CCSER1: variants seen among roughly 807,000 people sequenced by gnomAD.
The protein encoded by CCSER1 is coiled-coil serine rich protein 1, also known as serine-rich coiled-coil domain-containing protein 1.
CCSER1 carries 41 observed loss-of-function variants against 82.0 expected under a neutral mutation model. That is an observed-to-expected ratio of 0.50 (90% CI 0.39 to 0.65). The LOEUF (loss-of-function observed/expected upper bound fraction) is 0.65. CCSER1 is among the 30% of genes least tolerant of loss of function. CCSER1 has a pLI of 0.00. For synonymous variants in CCSER1, 414 were observed against 383.9 expected (o/e 1.08, Z -0.92); for missense variants, 1,119 against 1,064.2 (o/e 1.05, Z -0.72).
chr4:91,334,952 G>T (rs559148594), intron 10 of CCSER1, among the ~76,000 whole-genome samples: 1 of 152,048 alleles, frequency 6.6e-6, no homozygotes, highest in Non-Finnish European at 1.5e-5. Flanking sequence ...GTGTTTGTGT[G>T]TTGAATTCTG....
chr4:90,553,172 C>A (rs1777731521), intron 5 of CCSER1, among the ~76,000 whole-genome samples: 1 of 152,078 alleles, frequency 6.6e-6, no homozygotes, highest in Admixed American at 6.6e-5. Context: ...GGGGTTTCAC[C>A]CTGTTGGCCA....
chr4:90,426,406 C>T (rs968096890), intron 4 of CCSER1, among the ~76,000 whole-genome samples: 4 of 151,738 alleles, frequency 2.6e-5, no homozygotes, highest in South Asian at 2.1e-4. Flanking sequence ...TTCTGTGGGC[C>T]GCATTAGGTG....
At chr4:91,230,133 T>C (rs949373062) in intron 10 of CCSER1, among the ~76,000 whole-genome samples, 3 of 152,118 alleles carry the variant, frequency 2.0e-5, no homozygotes, top group African/African-American at 7.2e-5. Flanking sequence ...AAATAAACTT[T>C]AGCCACAAAC....
At chr4:91,243,410 C>G (rs574384583) in intron 10 of CCSER1, among the ~76,000 whole-genome samples, 1 of 151,976 alleles carries the variant, frequency 6.6e-6, no homozygotes, top group African/African-American at 2.4e-5. Context: ...GTAGCACTGA[C>G]CTAGGGAGAC....
chr4:90,295,331 C>A (rs1481390175), intron 1 of CCSER1, among the ~76,000 whole-genome samples: 1 of 151,816 alleles, frequency 6.6e-6, no homozygotes, highest in Non-Finnish European at 1.5e-5. Flanking sequence ...TTTCACCAAA[C>A]CTGATATTAT....
At chr4:91,396,411 T>C (rs192894278) in intron 10 of CCSER1, among the ~76,000 whole-genome samples, 1 of 152,154 alleles carries the variant, frequency 6.6e-6, no homozygotes, top group African/African-American at 2.4e-5. Context: ...CTATCACTTA[T>C]GTATTTATGA....
intron 8 of CCSER1, among the ~76,000 whole-genome samples, chr4:90,897,508 A>G: frequency 6.6e-6 from 1 of 152,058 alleles, no homozygotes; most frequent in East Asian, 1.9e-4. Context: ...CATGGTTTAT[A>G]GACACCACAT....
At chr4:90,894,069 A>G (rs1469020764) in intron 8 of CCSER1, among the ~76,000 whole-genome samples, 1 of 152,006 alleles carries the variant, frequency 6.6e-6, no homozygotes, top group Non-Finnish European at 1.5e-5. Flanking sequence ...CTTTGAAAGG[A>G]CACTTCATGA....
chr4:90,775,070 A>G (rs1752718041), intron 7 of CCSER1, among the ~76,000 whole-genome samples: 2 of 152,136 alleles, frequency 1.3e-5, no homozygotes, highest in African/African-American at 2.4e-5. Flanking sequence ...GAGTTCTCCT[A>G]TAATTGATTT....
At chr4:90,839,493 G>A (rs1394159974) in intron 8 of CCSER1, among the ~76,000 whole-genome samples, 1 of 152,186 alleles carries the variant, frequency 6.6e-6, no homozygotes, top group African/African-American at 2.4e-5. Flanking sequence ...ACTTGCTACA[G>A]CTTCATTGTT....
chr4:90,227,636 G>A (rs1042671908), intron 1 of CCSER1, among the ~76,000 whole-genome samples: 6 of 152,198 alleles, frequency 3.9e-5, no homozygotes, highest in Non-Finnish European at 1.5e-5. Context: ...GGCCGAATAG[G>A]AACAGCTCTG....
rs1005762972 is a variant in CCSER1 at position 90,548,146 on chromosome 4, T to C, written c.1724+79792T>C. Among the ~76,000 whole-genome samples, 3 of 152,024 alleles carry C rather than the reference T, an allele frequency of 2.0e-5. 1 individual carries two copies. The highest frequency in any genetic ancestry group is 7.2e-5 in the African/African-American group (3 of 41,390). On this transcript the variant is annotated intron_variant, in intron 5 of 10. Coordinates refer to ENST00000509176, the MANE Select transcript of CCSER1 (RefSeq NM_001145065.2). ...GCATTATAGACCAGAAAAAAAAAAT[T>C]ATAATGACTTTTAAGAGGGCCAAGT...
chr4:90,631,329 T>C (rs1158578042), intron 6 of CCSER1, among the ~76,000 whole-genome samples: 5 of 152,236 alleles, frequency 3.3e-5, no homozygotes, highest in Non-Finnish European at 7.3e-5. Flanking sequence ...ATTGCATTTG[T>C]ATATTTTTTC....
rs527427327 is a variant in CCSER1, at chr4:90,664,842, G to A, written c.1932+36610G>A. On this transcript the variant is annotated intron_variant, in intron 6 of 10. Coordinates refer to ENST00000509176, the MANE Select transcript of CCSER1 (RefSeq NM_001145065.2). ...TTGAAGCCAGGAGGCAGAGATTGTG[G>A]TGAGCCGAGATCACACCATTGCACT... 5.9e-5 allele frequency among the ~76,000 whole-genome samples: 9 copies of A among 152,022 alleles called. No homozygotes were observed. In the South Asian group the frequency reaches 1.7e-3, roughly 28 times the overall value.
At chr4:91,050,115 T>C (rs1742863812) in intron 9 of CCSER1, among the ~76,000 whole-genome samples, 1 of 152,214 alleles carries the variant, frequency 6.6e-6, no homozygotes, top group Admixed American at 6.5e-5. Flanking sequence ...TAGGATTGTA[T>C]GTATACAATT....
intron 1 of CCSER1, among the ~76,000 whole-genome samples, chr4:90,208,436 G>T (rs1004431564): frequency 2.0e-5 from 3 of 151,766 alleles, no homozygotes; most frequent in African/African-American, 4.8e-5. Flanking sequence ...TAGCTTGCTG[G>T]GCTCTGTAGA....
intron 5 of CCSER1, among the ~76,000 whole-genome samples, chr4:90,536,394 AG>A (rs1490125870): frequency 9.2e-5 from 14 of 152,182 alleles, no homozygotes; most frequent in Non-Finnish European, 1.9e-4. Flanking sequence ...TGCGATAATT[AG>A]CCTATTTGCA....
chr4:90,512,242 C>G (rs191808884), intron 5 of CCSER1, among the ~76,000 whole-genome samples: 3 of 151,266 alleles, frequency 2.0e-5, no homozygotes, highest in South Asian at 2.1e-4. Context: ...CTCCATACCC[C>G]ACTCCTTTTC....
chr4:91,251,460 A>G (rs1740253902), intron 10 of CCSER1, among the ~76,000 whole-genome samples: 1 of 152,334 alleles, frequency 6.6e-6, no homozygotes, highest in African/African-American at 2.4e-5. Flanking sequence ...TATTCAGTCT[A>G]TAGTAGTCAC....
Sources: gnomAD v4.1 joint callset for allele counts (sites outside exome capture counted in the v4.1 genomes callset) on GRCh38, gnomAD v4.1.1 for gene constraint, MANE v1.5 for transcripts, NCBI Gene and HGNC (gene_info 2026-07-23, HGNC 2026-07-21) for gene names.